Variants in TXNDC5 observed in about 807,000 individuals in gnomAD.
TXNDC5 encodes thioredoxin domain-containing protein 5.
In TXNDC5, 44 loss-of-function variants were observed where a neutral mutation model predicts 52.6. That is an observed-to-expected ratio of 0.84 (90% CI 0.66 to 1.08). The LOEUF (loss-of-function observed/expected upper bound fraction) is 1.08, where lower values mean the gene tolerates loss of function less well. Ranked by LOEUF, TXNDC5 falls within the 50% of genes least tolerant of loss-of-function variation. TXNDC5 has a pLI of 0.00. For synonymous variants in TXNDC5, 241 were observed against 234.4 expected, an observed-to-expected ratio of 1.03 and a Z score of -0.26; for missense variants, 600 against 565.5, an observed-to-expected ratio of 1.06 and a Z score of -0.62.
intron 1 of TXNDC5, among the ~76,000 whole-genome samples, chr6:7,906,557 A>G (rs866268571): frequency 7.5e-6 from 1 of 133,454 alleles, no homozygotes; most frequent in Non-Finnish European, 1.5e-5. Context: ...AAAAAAAAAA[A>G]GAAAAACAGA....
rs1759752524 is a variant in TXNDC5, at chr6:7,881,831, A to T, written c.*1313T>A. On this transcript the variant is annotated 3_prime_UTR_variant, in exon 10 of 10. Coordinates refer to ENST00000379757, the MANE Select transcript of TXNDC5 (RefSeq NM_030810.5). Reference sequence around the variant, plus strand: ...ACCAGTTACTTTGGGCCAAGTATCCACATCCCCTTGCGTATGGGAGGTGGG... The same window carrying T: ...ACCAGTTACTTTGGGCCAAGTATCCTCATCCCCTTGCGTATGGGAGGTGGG... 1 of 152,258 alleles carries T rather than the reference A, an allele frequency of 6.6e-6. No individual in the cohort carries two copies. Among genetic ancestry groups the T allele is most frequent in the Non-Finnish European group, 1.5e-5 (1 of 68,038 alleles). The allele number at this position is 152,258 out of a possible 1,614,324, so 9.4% of individuals were successfully genotyped here. A position where few individuals can be genotyped will look rare whatever the true frequency, so the allele number is the denominator to read the frequency against.
At chr6:7,907,411 G>C (rs1760773813) in intron 1 of TXNDC5, among the ~76,000 whole-genome samples, 1 of 152,142 alleles carries the variant, frequency 6.6e-6, no homozygotes, top group African/African-American at 2.4e-5. Context: ...AAGCTACCTG[G>C]TCCAAATCTT....
chr6:7,891,062 A>C (rs1760173689), intron 5 of TXNDC5, among the ~76,000 whole-genome samples: 1 of 152,208 alleles, frequency 6.6e-6, no homozygotes, highest in Admixed American at 6.5e-5. Flanking sequence ...TGGGTGCTGG[A>C]AAGTGTAGAA....
chr6:7,883,195 G>C lies in TXNDC5; in HGVS notation c.1248C>G (p.Asp416Glu). The C allele has an allele frequency of 1.9e-6, 3 of 1,614,184 alleles. No homozygotes were observed. Among genetic ancestry groups the C allele is most frequent in the Admixed American group, 3.3e-5 (2 of 60,014 alleles). The change falls in exon 10 of 10, where the codon GAC (aspartate) becomes GAG (glutamate). Residue 416 changes from aspartate to glutamate, a missense_variant. Transcript: ENST00000379757. ...KKVSEHSGGR[D>E]LDSLHRFVLS... is the part of the protein sequence containing the mutation. ...GGACAAAGCGGTGTAACGAGTCAAG[G>C]TCTCTGCCTCCACTGTGCTCACTGA...
At chr6:7,885,811 G>A (rs1759949334) in intron 8 of TXNDC5, 150 bp downstream of exon 8, 1 of 625,712 alleles carries the variant, frequency 1.6e-6, no homozygotes, top group South Asian at 2.4e-5. Flanking sequence ...ATAGGAGCAT[G>A]ATAACGGTTC....
intron 1 of TXNDC5, among the ~76,000 whole-genome samples, chr6:7,907,172 T>A (rs1760765123): frequency 6.6e-6 from 1 of 152,034 alleles, no homozygotes; most frequent in Admixed American, 6.5e-5. Context: ...TCCCTTTTTT[T>A]TTTTTGAGAA....
chr6:7,886,030 G>T lies in TXNDC5; in HGVS notation c.977C>A (p.Ala326Glu). 2 of 1,614,068 alleles carry T rather than the reference G, an allele frequency of 1.2e-6. No individual in the cohort carries two copies. Among genetic ancestry groups the T allele is most frequent in the Non-Finnish European group, 1.7e-6 (2 of 1,179,984 alleles). ...GTCATCGAAGTTATTTTCAGTGAGT[G>T]CCAACACAGTGCCCTTCAAGGGAGG... ...EPEADKGTVLALTENNFDDTI... is the reference protein window; with the variant it reads ...EPEADKGTVLELTENNFDDTI... The change falls in exon 8 of 10, where the codon GCA becomes GAA. Residue 326 changes from alanine (A) to glutamate (E), a missense_variant. By Grantham distance (107) the Ala-to-Glu change is moderately radical. Transcript: ENST00000379757.
At chr6:7,908,819 CAG>C (rs533271489) in intron 1 of TXNDC5, among the ~76,000 whole-genome samples, 4 of 152,046 alleles carry the variant, frequency 2.6e-5, no homozygotes, top group Non-Finnish European at 5.9e-5. Flanking sequence ...GGCTGGGTAA[CAG>C]AGCAAGATCC....
intron 8 of TXNDC5, 70 bp from the exon 9 acceptor site, chr6:7,884,558 A>T: frequency 1.2e-6 from 2 of 1,604,014 alleles, no homozygotes; most frequent in South Asian, 2.2e-5. Context: ...TCTGCTGCCA[A>T]GACAAGCTCT....
chr6:7,910,783 G>C lies in TXNDC5; in HGVS notation c.-7C>G. 5 of 986,096 alleles carry C rather than the reference G, an allele frequency of 5.1e-6. No homozygotes were observed. Among genetic ancestry groups the C allele is most frequent in the Non-Finnish European group, 6.0e-6 (5 of 832,018 alleles). The allele number at this position is 986,096 out of a possible 1,614,324, so 61.1% of individuals were successfully genotyped here. On this transcript the variant is annotated 5_prime_UTR_variant, in exon 1 of 10. Coordinates refer to ENST00000379757, the MANE Select transcript of TXNDC5 (RefSeq NM_030810.5). ...GTCCTGGGCGCGCGGGCATCGCGGC[G>C]GGGCTGGGCGCGCTCTCGCCGCGGC...
Position 7,895,203 on chromosome 6 carries a change from C to G in TXNDC5, c.520-1G>C, listed in dbSNP as rs1403547062. On this transcript the variant is annotated splice_acceptor_variant, in intron 3 of 9. Transcript: ENST00000379757. LOFTEE classifies it high-confidence loss of function. ...GCGGTTCCACTTCCGGCTCTGGTGT[C>G]TAACAGGAGGAAATAAAACAGTCAT... is the stretch of plus-strand genomic sequence containing the variant. 8.7e-6 allele frequency: 14 copies of G among 1,611,404 alleles called. No individual in the cohort carries two copies. Among genetic ancestry groups the G allele is most frequent in the Non-Finnish European group, 1.2e-5 (14 of 1,178,752 alleles).
rs1016739072 is a variant in TXNDC5, at chr6:7,910,433, C to A, written c.263+81G>T. ...CGTCGGCGTCCACGTGGCCCCGGGA[C>A]CCCCCGCCCGCGGCGCCCAAGCGCC... On this transcript the variant is annotated intron_variant, in intron 1 of 9. Coordinates refer to ENST00000379757, the MANE Select transcript of TXNDC5 (RefSeq NM_030810.5). 2.4e-4 allele frequency: 302 copies of A among 1,247,530 alleles called. 3 individuals carry two copies. The African/African-American group carries it at 4.2e-3, about 17-fold the overall frequency. The allele number at this position is 1,247,530 out of a possible 1,614,324, so 77.3% of individuals were successfully genotyped here.
At position 7,904,694 on chromosome 6, in the gene TXNDC5, G is replaced by C; in HGVS notation, c.293C>G (p.Thr98Ser). ...GTATTTGTCTCCCAGGTCATTCCAA[G>C]TCGGCTGCAGCCGCTGGCAGTGTCC... ...WCGHCQRLQP[T>S]WNDLGDKYNS... Residue 98 changes from threonine (T) to serine (S), a missense_variant, in exon 2 of 10, where the codon ACT becomes AGT. By Grantham distance (58) the Thr-to-Ser change is moderately conservative. Transcript: ENST00000379757. The C allele has an allele frequency of 1.2e-6, 2 of 1,614,188 alleles. No individual in the cohort carries two copies. The highest frequency in any genetic ancestry group is 1.7e-6 in the Non-Finnish European group (2 of 1,180,048).
At chr6:7,891,516 TAAATC>T (rs1760189050) in intron 5 of TXNDC5, 100 bp downstream of exon 5, 1 of 808,330 alleles carries the variant, frequency 1.2e-6, no homozygotes. Flanking sequence ...ATGGAATTAA[TAAATC>T]AAGTTTGCGA....
intron 7 of TXNDC5, among the ~76,000 whole-genome samples, chr6:7,888,296 C>T (rs945745225): frequency 2.0e-5 from 3 of 152,082 alleles, no homozygotes; most frequent in Non-Finnish European, 4.4e-5. Flanking sequence ...GCCTTTACAA[C>T]GGGTAAAGGA....
chr6:7,888,678 G>A (rs917164088), intron 7 of TXNDC5, 27 bp downstream of exon 7: 1 of 1,594,146 alleles, frequency 6.3e-7, no homozygotes, highest in Non-Finnish European at 8.5e-7. Flanking sequence ...GCCACTTATG[G>A]GGATCCCGAC....
In TXNDC5 at chr6:7,883,097, C is replaced by A. The variant is rs987483214; in HGVS notation, c.*47G>T. The A allele has an allele frequency of 6.2e-7, 1 of 1,612,510 alleles. No homozygotes were observed. Among genetic ancestry groups the A allele is most frequent in the Admixed American group, 1.7e-5 (1 of 59,962 alleles). On this transcript the variant is annotated 3_prime_UTR_variant, in exon 10 of 10. Coordinates refer to ENST00000379757, the MANE Select transcript of TXNDC5 (RefSeq NM_030810.5). The stretch of plus-strand genomic sequence containing the variant: ...GCCTCTGTGGGACTGAACTCCTAAA[C>A]GCAGGGTGCGGGAGCTGGGCAGGAG...
chr6:7,898,977 G>C (rs371465626), intron 3 of TXNDC5, among the ~76,000 whole-genome samples: 2 of 152,158 alleles, frequency 1.3e-5, no homozygotes, highest in Admixed American at 6.5e-5. Flanking sequence ...ACTGAGCACC[G>C]AGAAGAAAAG....
rs1423244882 is a variant in TXNDC5 at position 7,882,389 on chromosome 6, C to T, written c.*755G>A. On this transcript the variant is annotated 3_prime_UTR_variant, in exon 10 of 10. Transcript: ENST00000379757. ...GAAGACATCCAACAGTTCATGTGGG[C>T]TCTGGCTTCGTGTTAACATGAGGAA... 6.6e-6 allele frequency: 1 copy of T among 152,238 alleles called. No homozygotes were observed. The highest frequency in any genetic ancestry group is 1.9e-4 in the East Asian group (1 of 5,206). The allele number at this position is 152,238 out of a possible 1,614,324, so 9.4% of individuals were successfully genotyped here. A position where few individuals can be genotyped will look rare whatever the true frequency, so the allele number is the denominator to read the frequency against.
Sources: gnomAD v4.1 joint callset for allele counts (sites outside exome capture counted in the v4.1 genomes callset) on GRCh38, gnomAD v4.1.1 for gene constraint, MANE v1.5 for transcripts, NCBI Gene and HGNC (gene_info 2026-07-23, HGNC 2026-07-21) for gene names.